MAGI2: variants seen among roughly 807,000 people sequenced by gnomAD.
MAGI2 encodes membrane associated guanylate kinase, WW and PDZ domain containing 2, also known as membrane-associated guanylate kinase, WW and PDZ domain-containing protein 2.
A neutral mutation model predicts 133.3 loss-of-function variants in MAGI2; 35 were observed. The observed-to-expected ratio is 0.26, with a 90% CI of 0.20 to 0.35. The LOEUF (loss-of-function observed/expected upper bound fraction) is 0.35, where lower values mean the gene tolerates loss of function less well. Among genes scored for constraint, MAGI2 ranks in the 10% least tolerant of loss-of-function variants. MAGI2 has a pLI of 1.00. For missense variants in MAGI2, 1,636 were observed against 1,863.4 expected (o/e 0.88, Z 2.25); for synonymous variants, 729 against 710.6 (o/e 1.03, Z -0.41).
intron 10 of MAGI2, chr7:78,251,634 T>C (rs538557612): frequency 5.3e-5 from 8 of 152,204 alleles, no homozygotes; most frequent in Admixed American, 5.2e-4. Context: ...TCAACAAGAA[T>C]AAAATAGCTA....
chr7:78,637,030 T>G (rs940571701), intron 2 of MAGI2, among the ~76,000 whole-genome samples: 1 of 152,152 alleles, frequency 6.6e-6, no homozygotes, highest in Non-Finnish European at 1.5e-5. Context: ...ACTGCTCCAA[T>G]TTCACTCATA....
At chr7:78,555,440 C>T (rs1463738728) in intron 3 of MAGI2, among the ~76,000 whole-genome samples, 2 of 151,724 alleles carry the variant, frequency 1.3e-5, no homozygotes, top group Non-Finnish European at 2.9e-5. Flanking sequence ...TATATGGACA[C>T]ATATAAAAAA....
In MAGI2 at chr7:78,497,178, C is replaced by A. The variant is rs192483667; in HGVS notation, c.965+4399G>T. On this transcript the variant is annotated intron_variant, in intron 5 of 21. Coordinates refer to ENST00000354212, the MANE Select transcript of MAGI2 (RefSeq NM_012301.4). The stretch of plus-strand genomic sequence containing the variant: ...GATAATGTTAATGAAGATGATGAGT[C>A]AAAGAGATTACTGGTTTTACACAGT... 2.0e-5 allele frequency among the ~76,000 whole-genome samples: 3 copies of A among 152,124 alleles called. No individual in the cohort carries two copies. The East Asian group carries it at 5.8e-4, about 29-fold the overall frequency.
intron 1 of MAGI2, among the ~76,000 whole-genome samples, chr7:79,017,333 G>A (rs539030353): frequency 6.6e-6 from 1 of 152,198 alleles, no homozygotes; most frequent in Non-Finnish European, 1.5e-5. Context: ...CTGAGCCCTG[G>A]CCCCCTAAAG....
At chr7:78,468,806 A>G (rs887770549) in intron 6 of MAGI2, among the ~76,000 whole-genome samples, 1 of 152,156 alleles carries the variant, frequency 6.6e-6, no homozygotes, top group Non-Finnish European at 1.5e-5. Context: ...TGCTGCTTGC[A>G]GCTAATAAAT....
At chr7:78,582,286 G>T (rs1463149590) in intron 3 of MAGI2, among the ~76,000 whole-genome samples, 3 of 152,166 alleles carry the variant, frequency 2.0e-5, no homozygotes, top group Admixed American at 6.5e-5. Context: ...GAGCAACCAC[G>T]TGGGAAGTGA....
rs1825555919 is a variant in MAGI2, at chr7:78,165,700, A to G, written c.2596+2216T>C. On this transcript the variant is annotated intron_variant, in intron 15 of 21. Coordinates refer to ENST00000354212, the MANE Select transcript of MAGI2 (RefSeq NM_012301.4). ...ACTTCCCCTCAGCTTGGAACCATCC[A>G]CTCCTAAGCCAGGCTTGCACCTCCC... Among the ~76,000 whole-genome samples, 4 of 151,846 alleles carry G rather than the reference A, an allele frequency of 2.6e-5. No individual in the cohort carries two copies. The South Asian group carries it at 8.3e-4, about 32-fold the overall frequency.
chr7:79,004,899 A>G (rs1807282187), intron 2 of MAGI2, among the ~76,000 whole-genome samples: 1 of 152,036 alleles, frequency 6.6e-6, no homozygotes, highest in Non-Finnish European at 1.5e-5. Flanking sequence ...CCTGACCAAC[A>G]TGGATAAACC....
chr7:79,341,167 T>A (rs7341488), intron 1 of MAGI2, among the ~76,000 whole-genome samples: 51,089 of 151,830 alleles, frequency 0.34, 9,166 homozygotes, highest in East Asian at 0.52. Flanking sequence ...GAAATACATA[T>A]AGGGTCAGAG....
chr7:78,630,413 C>CTTTTT (rs35696228), intron 2 of MAGI2, among the ~76,000 whole-genome samples: 4,456 of 112,160 alleles, frequency 0.04, 231 homozygotes, highest in African/African-American at 0.07. Context: ...TTGTGTTTAA[C>CTTTTT]TTTTTTTTTT....
At chr7:78,645,640 GGTGTGTGTGT>G (rs59287974) in intron 2 of MAGI2, among the ~76,000 whole-genome samples, 4 of 147,348 alleles carry the variant, frequency 2.7e-5, no homozygotes, top group South Asian at 2.2e-4. Context: ...ATATAAGTGT[GGTGTGTGTGT>G]GTGTGTGTGT....
At chr7:78,255,626 C>T (rs1341940462) in intron 10 of MAGI2, 3 of 541,208 alleles carry the variant, frequency 5.5e-6, no homozygotes, top group Non-Finnish European at 9.6e-6. Context: ...TTCTCCATGA[C>T]CGATACATGA....
chr7:78,334,078 A>G (rs546160784), intron 9 of MAGI2, among the ~76,000 whole-genome samples: 1 of 152,332 alleles, frequency 6.6e-6, no homozygotes, highest in South Asian at 2.1e-4. Context: ...AACATTTTCA[A>G]ATGACTTCTT....
chr7:78,274,701 C>T (rs1794894104), intron 9 of MAGI2, among the ~76,000 whole-genome samples: 1 of 152,072 alleles, frequency 6.6e-6, no homozygotes, highest in Non-Finnish European at 1.5e-5. Context: ...CGGTGGGCTC[C>T]CCTCAGTTCG....
At chr7:78,800,473 C>A (rs1157570722) in intron 2 of MAGI2, among the ~76,000 whole-genome samples, 1 of 152,052 alleles carries the variant, frequency 6.6e-6, no homozygotes. Flanking sequence ...ATCAATTATT[C>A]AGAACTGACT....
intron 2 of MAGI2, among the ~76,000 whole-genome samples, chr7:78,715,307 T>C (rs1819595625): frequency 6.6e-6 from 1 of 152,312 alleles, no homozygotes; most frequent in Non-Finnish European, 1.5e-5. Flanking sequence ...TTCAGAATCA[T>C]TGTCCTGGAA....
At chr7:78,593,248 C>T (rs533743171) in intron 3 of MAGI2, among the ~76,000 whole-genome samples, 2 of 151,982 alleles carry the variant, frequency 1.3e-5, no homozygotes, top group South Asian at 4.2e-4. Context: ...AAAAATTAGC[C>T]AGGCTTGGTG....
At chr7:79,396,335 A>G (rs1027399880) in intron 1 of MAGI2, among the ~76,000 whole-genome samples, 1 of 152,184 alleles carries the variant, frequency 6.6e-6, no homozygotes, top group African/African-American at 2.4e-5. Context: ...TAGCAGAGCC[A>G]TAGAACAGAA....
chr7:78,529,641 C>T (rs1337282467), intron 3 of MAGI2, among the ~76,000 whole-genome samples: 4 of 70,186 alleles, frequency 5.7e-5, no homozygotes, highest in East Asian at 4.0e-4. Flanking sequence ...TTTGTTTTTG[C>T]TTTTCTTTTC....
Sources: gnomAD v4.1 joint callset for allele counts (sites outside exome capture counted in the v4.1 genomes callset) on GRCh38, gnomAD v4.1.1 for gene constraint, MANE v1.5 for transcripts, NCBI Gene and HGNC (gene_info 2026-07-23, HGNC 2026-07-21) for gene names.